The following HEMK2 variants were observed in gnomAD, a reference collection of about 807,000 sequenced individuals.
HEMK2 encodes the protein methyltransferase HEMK2.
the HEMK2 span, among the ~76,000 whole-genome samples, chr21:28,586,081 T>G: frequency 6.6e-6 from 1 of 152,186 alleles, no homozygotes; most frequent in African/African-American, 2.4e-5. Flanking sequence ...CTGGGAAAGA[T>G]CTGGGAGCAA....
the HEMK2 span, among the ~76,000 whole-genome samples, chr21:28,599,489 T>G: frequency 6.6e-6 from 1 of 152,150 alleles, no homozygotes; most frequent in East Asian, 1.9e-4. Context: ...CATGATTCAA[T>G]TATCTCCCAC....
At chr21:28,866,146 C>T in the HEMK2 span, among the ~76,000 whole-genome samples, 3 of 16,794 alleles carry the variant, frequency 1.8e-4, no homozygotes, top group Admixed American at 4.7e-4. Context: ...CCTGTCTCTA[C>T]AGAAAAAACA....
chr21:28,863,809 A>G, the HEMK2 span, among the ~76,000 whole-genome samples: 17,460 of 152,034 alleles, frequency 0.11, 1,585 homozygotes, highest in African/African-American at 0.24. Flanking sequence ...CTGCTCTGGC[A>G]CCAGAAACAG....
the HEMK2 span, among the ~76,000 whole-genome samples, chr21:28,816,158 T>G: frequency 2.6e-5 from 4 of 152,226 alleles, no homozygotes; most frequent in Non-Finnish European, 5.9e-5. Flanking sequence ...TCCAGCCTTC[T>G]GAACTGTGAG....
At chr21:28,752,942 T>C in the HEMK2 span, among the ~76,000 whole-genome samples, 1 of 152,166 alleles carries the variant, frequency 6.6e-6, no homozygotes, top group African/African-American at 2.4e-5. Context: ...AGCCCATCCT[T>C]CTCCATTCGT....
chr21:28,767,540 G>A, the HEMK2 span, among the ~76,000 whole-genome samples: 3 of 150,812 alleles, frequency 2.0e-5, no homozygotes, highest in East Asian at 4.0e-4. Flanking sequence ...AAGGGTAGTC[G>A]TTAAACAATT....
the HEMK2 span, among the ~76,000 whole-genome samples, chr21:28,636,363 G>C: frequency 6.6e-6 from 1 of 152,078 alleles, no homozygotes; most frequent in African/African-American, 2.4e-5. Flanking sequence ...CTCTTTTGTA[G>C]AGCTAGCAAC....
chr21:28,859,946 G>C, the HEMK2 span, among the ~76,000 whole-genome samples: 66 of 152,332 alleles, frequency 4.3e-4, no homozygotes, highest in Admixed American at 8.5e-4. Context: ...TATACTGAGT[G>C]TGATGGTTAA....
At chr21:28,639,180 G>A in the HEMK2 span, among the ~76,000 whole-genome samples, 1 of 152,142 alleles carries the variant, frequency 6.6e-6, no homozygotes, top group African/African-American at 2.4e-5. Flanking sequence ...TGGATAAAAT[G>A]GTAGAATTTC....
At chr21:28,714,756 A>G in the HEMK2 span, among the ~76,000 whole-genome samples, 4 of 152,240 alleles carry the variant, frequency 2.6e-5, no homozygotes, top group South Asian at 8.3e-4. Flanking sequence ...CCAGGTAGGG[A>G]GCATAGTACT....
At chr21:28,610,757 C>G in the HEMK2 span, among the ~76,000 whole-genome samples, 1 of 152,136 alleles carries the variant, frequency 6.6e-6, no homozygotes, top group Non-Finnish European at 1.5e-5. Flanking sequence ...ATTCTTGTAT[C>G]AGGCGAAACA....
chr21:28,622,820 T>A, the HEMK2 span, among the ~76,000 whole-genome samples: 11 of 152,106 alleles, frequency 7.2e-5, no homozygotes, highest in Non-Finnish European at 1.5e-4. Context: ...TTACACCTTA[T>A]ACAAAAATTA....
chr21:28,651,745 T>C, the HEMK2 span, among the ~76,000 whole-genome samples: 1 of 152,164 alleles, frequency 6.6e-6, no homozygotes, highest in South Asian at 2.1e-4. Context: ...GGTAATGTCA[T>C]TACAGAGAAA....
the HEMK2 span, among the ~76,000 whole-genome samples, chr21:28,799,833 T>A: frequency 6.6e-6 from 1 of 152,236 alleles, no homozygotes. Context: ...CTATCCATAT[T>A]TTTGATCAGG....
the HEMK2 span, among the ~76,000 whole-genome samples, chr21:28,809,394 T>C: frequency 6.6e-6 from 1 of 152,200 alleles, no homozygotes. Context: ...TAAAGGTTTT[T>C]AAGTAGTGAA....
the HEMK2 span, among the ~76,000 whole-genome samples, chr21:28,723,447 G>C: frequency 1.3e-5 from 2 of 152,164 alleles, no homozygotes; most frequent in African/African-American, 4.8e-5. Context: ...ACCAGCCTGG[G>C]ACTCAGAAAA....
the HEMK2 span, among the ~76,000 whole-genome samples, chr21:28,693,928 G>C: frequency 6.6e-6 from 1 of 152,128 alleles, no homozygotes; most frequent in Non-Finnish European, 1.5e-5. Flanking sequence ...ACACAATCAA[G>C]AGAGAATTTT....
At chr21:28,735,317 T>C in the HEMK2 span, among the ~76,000 whole-genome samples, 6 of 152,158 alleles carry the variant, frequency 3.9e-5, no homozygotes, top group South Asian at 8.3e-4. Flanking sequence ...GCTAAGTTTT[T>C]AGCTGGAGGC....
At chr21:28,683,109 A>G in the HEMK2 span, among the ~76,000 whole-genome samples, 1 of 150,256 alleles carries the variant, frequency 6.7e-6, no homozygotes, top group Non-Finnish European at 1.5e-5. Flanking sequence ...AAATATTTCT[A>G]TATTATATTT....
Sources: allele counts gnomAD v4.1 joint callset (sites outside exome capture counted in the v4.1 genomes callset), GRCh38; gene constraint gnomAD v4.1.1; transcripts MANE v1.5; gene names NCBI Gene and HGNC (gene_info 2026-07-23, HGNC 2026-07-21).